CRYL1: variants seen among roughly 807,000 people sequenced by gnomAD.
CRYL1 encodes lambda-crystallin homolog.
A neutral mutation model predicts 36.6 loss-of-function variants in CRYL1; 29 were observed. The ratio of observed to expected loss-of-function variants is 0.79; its 90% CI spans 0.59 to 1.08. The LOEUF is 1.08. Ranked by LOEUF, CRYL1 falls within the 50% of genes least tolerant of loss-of-function variation. The probability of loss-of-function intolerance (pLI) is 0.00; values close to 1 mark genes in which losing one functional copy is unlikely to be tolerated. For missense variants in CRYL1, 411 were observed against 407.9 expected (o/e 1.01, Z -0.06); for synonymous variants, 152 against 151.5 (o/e 1.00, Z -0.02).
At chr13:20,524,535 G>A (rs969400802) in intron 1 of CRYL1, among the ~76,000 whole-genome samples, 3 of 152,044 alleles carry the variant, frequency 2.0e-5, no homozygotes, top group African/African-American at 4.8e-5. Flanking sequence ...GTGCCACTAC[G>A]CCCGGCTAAT....
intron 2 of CRYL1, among the ~76,000 whole-genome samples, chr13:20,496,242 G>A (rs1236822262): frequency 6.6e-6 from 1 of 152,178 alleles, no homozygotes; most frequent in East Asian, 1.9e-4. Flanking sequence ...GGATGCCAGG[G>A]GCTGGCAGAG....
chr13:20,434,775 G>A (rs1366579103), intron 4 of CRYL1, among the ~76,000 whole-genome samples: 1 of 151,516 alleles, frequency 6.6e-6, no homozygotes, highest in East Asian at 1.9e-4. Flanking sequence ...CAAGTCTGTG[G>A]TTCACGAAGT....
chr13:20,418,204 C>T (rs2031717514), intron 5 of CRYL1, among the ~76,000 whole-genome samples: 1 of 152,168 alleles, frequency 6.6e-6, no homozygotes, highest in African/African-American at 2.4e-5. Flanking sequence ...TTCCCAGCAA[C>T]ATCTAGACTG....
chr13:20,418,469 T>G (rs942357380), intron 5 of CRYL1: 10 of 152,232 alleles, frequency 6.6e-5, no homozygotes, highest in African/African-American at 2.2e-4. Flanking sequence ...GCACACGATA[T>G]TTGATGGATA....
At chr13:20,442,927 A>G (rs2032378698) in intron 3 of CRYL1, among the ~76,000 whole-genome samples, 1 of 152,188 alleles carries the variant, frequency 6.6e-6, no homozygotes. Context: ...AGTTCTCACA[A>G]CTGTTCTGTC....
Position 20,505,613 on chromosome 13 carries a change from C to T in CRYL1, c.149+6830G>A, listed in dbSNP as rs561323450. Among the ~76,000 whole-genome samples, 11 of 152,216 alleles carry T rather than the reference C, an allele frequency of 7.2e-5. No individual in the cohort carries two copies. In the East Asian group the frequency reaches 1.4e-3, roughly 19 times the overall value. ...CATAATGGCTAGTACAGAGACCACA[C>T]GTCACTGCATAGTGAGGGACACTGG... On this transcript the variant is annotated intron_variant, in intron 2 of 7. Coordinates refer to ENST00000298248, the MANE Select transcript of CRYL1 (RefSeq NM_015974.3).
intron 3 of CRYL1, among the ~76,000 whole-genome samples, chr13:20,475,873 G>A (rs2033156392): frequency 6.6e-6 from 1 of 152,166 alleles, no homozygotes. Context: ...GACGAGTCCC[G>A]GTGACATATC....
At chr13:20,428,906 G>GT (rs1192437562) in intron 5 of CRYL1, among the ~76,000 whole-genome samples, 5 of 152,064 alleles carry the variant, frequency 3.3e-5, no homozygotes, top group Non-Finnish European at 7.4e-5. Context: ...TCCTACCCTG[G>GT]TAGGAGCATC....
chr13:20,472,051 G>C (rs1039012258), intron 3 of CRYL1, among the ~76,000 whole-genome samples: 1 of 152,008 alleles, frequency 6.6e-6, no homozygotes, highest in Non-Finnish European at 1.5e-5. Context: ...AGTAGAGACC[G>C]GGTTTCGCCA....
chr13:20,517,702 C>T (rs545515517), intron 1 of CRYL1, among the ~76,000 whole-genome samples: 4 of 152,046 alleles, frequency 2.6e-5, no homozygotes, highest in African/African-American at 9.6e-5. Context: ...TTTGGGAGGC[C>T]GAGGCGGGTG....
chr13:20,410,521 C>T (rs914414396), intron 6 of CRYL1, among the ~76,000 whole-genome samples: 3 of 151,972 alleles, frequency 2.0e-5, no homozygotes, highest in Non-Finnish European at 2.9e-5. Flanking sequence ...TACCCTAAAA[C>T]TTACAGTATA....
intron 5 of CRYL1, among the ~76,000 whole-genome samples, chr13:20,417,169 T>C (rs139364898): frequency 1.3e-5 from 2 of 152,342 alleles, no homozygotes; most frequent in East Asian, 3.9e-4. Context: ...CTGCTGCACT[T>C]GGTGCTGAAC....
intron 4 of CRYL1, 79 bp downstream of exon 4, chr13:20,439,514 C>CAAAAAAAAAAAAGAAAAA: frequency 3.0e-6 from 1 of 330,902 alleles, no homozygotes; most frequent in Non-Finnish European, 4.6e-6. Context: ...CCCTCCCCCG[C>CAAAAAAAAAAAAGAAAAA]AAAAAAAAAA....
intron 3 of CRYL1, among the ~76,000 whole-genome samples, chr13:20,461,207 T>C (rs1422506049): frequency 6.6e-6 from 1 of 152,244 alleles, no homozygotes; most frequent in African/African-American, 2.4e-5. Flanking sequence ...CTGAGTTATA[T>C]TTTTTAATAT....
chr13:20,521,500 C>A (rs1227023901), intron 1 of CRYL1, among the ~76,000 whole-genome samples: 2 of 152,138 alleles, frequency 1.3e-5, no homozygotes, highest in Non-Finnish European at 2.9e-5. Flanking sequence ...ACTTCCTGTC[C>A]TGAGAGCTTG....
rs2031631357 is a variant in CRYL1 at position 20,415,299 on chromosome 13, C to T, written c.634-1912G>A. 6.6e-6 allele frequency among the ~76,000 whole-genome samples: 1 copy of T among 152,172 alleles called. No individual in the cohort carries two copies. Among genetic ancestry groups the T allele is most frequent in the Non-Finnish European group, 1.5e-5 (1 of 68,010 alleles). ...GCGAGCCTGGGGCGCCTGGGCCTGG[C>T]CTCGAGGTTCCTGGGCCTCCAGGGC... On this transcript the variant is annotated intron_variant, in intron 5 of 7. Transcript: ENST00000298248. The surrounding 1 kb of genome is among the most constrained non-coding windows in gnomAD (Gnocchi z 4.1).
chr13:20,452,385 TGC>T (rs2032590462), intron 3 of CRYL1, among the ~76,000 whole-genome samples: 1 of 152,158 alleles, frequency 6.6e-6, no homozygotes, highest in Non-Finnish European at 1.5e-5. Context: ...AACCTGCTGT[TGC>T]TATATTAATA....
At chr13:20,408,516 C>T (rs760010383) in intron 6 of CRYL1, among the ~76,000 whole-genome samples, 5 of 152,162 alleles carry the variant, frequency 3.3e-5, no homozygotes, top group Non-Finnish European at 7.4e-5. Flanking sequence ...TACTGACCTG[C>T]GAGTCTAAAG....
Position 20,404,323 on chromosome 13 carries a change from A to G in CRYL1, c.847-81T>C, listed in dbSNP as rs966633542. 7 of 956,102 alleles carry G rather than the reference A, an allele frequency of 7.3e-6. No individual in the cohort carries two copies. The South Asian group carries it at 8.4e-5, about 11-fold the overall frequency. 59.2% of individuals were successfully genotyped at this position (956,102 alleles called of 1,614,324 possible). A position where few individuals can be genotyped will look rare whatever the true frequency, so the allele number is the denominator to read the frequency against. Reference sequence around the variant, plus strand: ...GTGTAATTATTGCTCTTGTTTATGCAAACTGTGCAGAAACTGCTTTCAAAG... The same window carrying G: ...GTGTAATTATTGCTCTTGTTTATGCGAACTGTGCAGAAACTGCTTTCAAAG... On this transcript the variant is annotated intron_variant, in intron 7 of 7. Coordinates refer to ENST00000298248, the MANE Select transcript of CRYL1 (RefSeq NM_015974.3).
Sources: allele counts gnomAD v4.1 joint callset (sites outside exome capture counted in the v4.1 genomes callset), GRCh38; gene constraint gnomAD v4.1.1; non-coding constraint Gnocchi (gnomAD v3.1); transcripts MANE v1.5; gene names NCBI Gene and HGNC (gene_info 2026-07-23, HGNC 2026-07-21).